RPS6KC1: variants seen among roughly 807,000 people sequenced by gnomAD.
RPS6KC1 encodes the protein ribosomal protein S6 kinase C1.
RPS6KC1 carries 54 observed loss-of-function variants against 103.8 expected under a neutral mutation model. That is an observed-to-expected ratio of 0.52 (90% confidence interval 0.42 to 0.65). The LOEUF (loss-of-function observed/expected upper bound fraction) is 0.65, where lower values mean the gene tolerates loss of function less well. RPS6KC1 is among the 30% of genes least tolerant of loss of function. RPS6KC1 has a pLI of 0.00. For synonymous variants in RPS6KC1, 439 were observed against 438.7 expected, an observed-to-expected ratio of 1.00 and a Z score of -0.01; for missense variants, 1,151 against 1,253.8, an observed-to-expected ratio of 0.92 and a Z score of 1.24.
At chr1:213,366,587 A>G in the RPS6KC1 span, among the ~76,000 whole-genome samples, 1 of 152,256 alleles carries the variant, frequency 6.6e-6, no homozygotes, top group Non-Finnish European at 1.5e-5. Flanking sequence ...CAACACATGA[A>G]TGAATGGGTG....
chr1:213,377,959 T>C, the RPS6KC1 span, among the ~76,000 whole-genome samples: 1 of 152,210 alleles, frequency 6.6e-6, no homozygotes. Context: ...TGACACGATA[T>C]AGGGAAGAAG....
chr1:213,469,094 GT>G, the RPS6KC1 span, among the ~76,000 whole-genome samples: 1 of 152,074 alleles, frequency 6.6e-6, no homozygotes, highest in Non-Finnish European at 1.5e-5. Context: ...GTTTCCTTTT[GT>G]CTTTGTCCTT....
intron 5 of RPS6KC1, among the ~76,000 whole-genome samples, chr1:213,124,679 G>A (rs1238084215): frequency 2.0e-5 from 3 of 152,150 alleles, no homozygotes; most frequent in African/African-American, 7.2e-5. Context: ...GGTGAAAGGA[G>A]TTTTTAAATG....
At chr1:213,627,010 C>G in the RPS6KC1 span, among the ~76,000 whole-genome samples, 2 of 152,140 alleles carry the variant, frequency 1.3e-5, no homozygotes, top group Non-Finnish European at 2.9e-5. Flanking sequence ...TGTAAATTAC[C>G]TTGGGCAGTA....
intron 8 of RPS6KC1, among the ~76,000 whole-genome samples, chr1:213,187,487 C>T (rs2092581487): frequency 6.6e-6 from 1 of 152,030 alleles, no homozygotes; most frequent in African/African-American, 2.4e-5. Flanking sequence ...CTCAAGTGAT[C>T]CACCTGCCTC....
the RPS6KC1 span, among the ~76,000 whole-genome samples, chr1:213,825,912 T>C: frequency 6.6e-6 from 1 of 152,224 alleles, no homozygotes; most frequent in Non-Finnish European, 1.5e-5. Context: ...TAAATTTTAA[T>C]TAAAGCCCAT....
intron 8 of RPS6KC1, among the ~76,000 whole-genome samples, chr1:213,224,321 T>C (rs921701299): frequency 6.6e-6 from 1 of 152,212 alleles, no homozygotes; most frequent in Non-Finnish European, 1.5e-5. Context: ...ACTTGTGGAA[T>C]TGAAGAACAG....
chr1:213,836,559 T>C, the RPS6KC1 span, among the ~76,000 whole-genome samples: 1 of 150,910 alleles, frequency 6.6e-6, no homozygotes, highest in Admixed American at 6.6e-5. Context: ...CACTTTCTAA[T>C]TGATGTGAGT....
At chr1:213,621,742 A>T in the RPS6KC1 span, among the ~76,000 whole-genome samples, 1 of 152,200 alleles carries the variant, frequency 6.6e-6, no homozygotes, top group Admixed American at 6.5e-5. Flanking sequence ...CAAAAATATA[A>T]GGTATTTTAA....
At chr1:213,755,534 T>C in the RPS6KC1 span, among the ~76,000 whole-genome samples, 1 of 152,202 alleles carries the variant, frequency 6.6e-6, no homozygotes, top group Non-Finnish European at 1.5e-5. Context: ...GTGAGAGTCA[T>C]GCAGTGTGGG....
chr1:213,815,321 G>T, the RPS6KC1 span, among the ~76,000 whole-genome samples: 1 of 152,120 alleles, frequency 6.6e-6, no homozygotes, highest in Non-Finnish European at 1.5e-5. Context: ...ACTAATACAA[G>T]CCACTACCTG....
At chr1:213,539,977 G>C in the RPS6KC1 span, among the ~76,000 whole-genome samples, 1 of 152,194 alleles carries the variant, frequency 6.6e-6, no homozygotes. Context: ...AAATACTTTA[G>C]TGCTAAAAAA....
chr1:213,492,018 C>T, the RPS6KC1 span, among the ~76,000 whole-genome samples: 2 of 152,186 alleles, frequency 1.3e-5, no homozygotes, highest in South Asian at 4.1e-4. Flanking sequence ...TTCTTCTCTT[C>T]AGCCCACTGT....
At chr1:213,602,028 C>CTTTCTTTCTTTCTTTCTTTCTT in the RPS6KC1 span, among the ~76,000 whole-genome samples, 8 of 11,898 alleles carry the variant, frequency 6.7e-4, no homozygotes, top group South Asian at 5.0e-3. Context: ...TTCTTTCTTT[C>CTTTCTTTCTTTCTTTCTTTCTT]TCTTTCTCTT....
At chr1:213,620,008 A>G in the RPS6KC1 span, among the ~76,000 whole-genome samples, 1 of 152,218 alleles carries the variant, frequency 6.6e-6, no homozygotes, top group Non-Finnish European at 1.5e-5. Flanking sequence ...AATTTAATCC[A>G]TCTAATATTA....
At chr1:213,085,161 T>G (rs182062669) in intron 3 of RPS6KC1, among the ~76,000 whole-genome samples, 1 of 152,330 alleles carries the variant, frequency 6.6e-6, no homozygotes, top group African/African-American at 2.4e-5. Context: ...CTTGCCTCTT[T>G]CAGCTTTTCG....
At chr1:213,184,604 CT>C (rs2092440498) in intron 8 of RPS6KC1, among the ~76,000 whole-genome samples, 1 of 151,430 alleles carries the variant, frequency 6.6e-6, no homozygotes, top group Admixed American at 6.6e-5. Context: ...TGAAATTTTT[CT>C]TTTTTAAAAA....
intron 8 of RPS6KC1, among the ~76,000 whole-genome samples, chr1:213,206,137 C>T (rs2817981): frequency 0.73 from 110,586 of 152,176 alleles, 40,970 homozygotes; most frequent in African/African-American, 0.86. Context: ...ATTTAAAGCA[C>T]GGTTTCCTAA....
At chr1:213,147,918 GGTTAA>G (rs1558416355) in intron 6 of RPS6KC1, among the ~76,000 whole-genome samples, 1 of 151,544 alleles carries the variant, frequency 6.6e-6, no homozygotes, top group Non-Finnish European at 1.5e-5. Context: ...TCACTTTTTT[GGTTAA>G]GTTAATTCTT....
Sources: gnomAD v4.1 joint callset for allele counts (sites outside exome capture counted in the v4.1 genomes callset) on GRCh38, gnomAD v4.1.1 for gene constraint, MANE v1.5 for transcripts, NCBI Gene and HGNC (gene_info 2026-07-23, HGNC 2026-07-21) for gene names.